The following CADM2 variants were observed in gnomAD, a reference collection of about 807,000 sequenced individuals.
CADM2 encodes the protein cell adhesion molecule 2, also known as immunoglobulin superfamily member 4D.
CADM2 carries 12 observed loss-of-function variants against 49.8 expected under a neutral mutation model. That is an observed-to-expected ratio of 0.24 (90% CI 0.15 to 0.39). CADM2 has a LOEUF of 0.39. Among genes scored for constraint, CADM2 ranks in the 10% least tolerant of loss-of-function variants. CADM2 has a pLI of 1.00. For missense variants in CADM2, 378 were observed against 492.3 expected (o/e 0.77, Z 2.20); for synonymous variants, 214 against 175.4 (o/e 1.22, Z -1.74).
At chr3:85,095,944 G>A (rs1362365207) in intron 1 of CADM2, among the ~76,000 whole-genome samples, 1 of 151,874 alleles carries the variant, frequency 6.6e-6, no homozygotes, top group African/African-American at 2.4e-5. Flanking sequence ...CAGTTGAGAT[G>A]GATGCTCGCT....
At chr3:84,997,619 GTTAT>G (rs1184682933) in intron 1 of CADM2, among the ~76,000 whole-genome samples, 68 of 151,586 alleles carry the variant, frequency 4.5e-4, no homozygotes, top group African/African-American at 1.6e-3. Flanking sequence ...TATTTTATAT[GTTAT>G]TTATTTCAGA....
chr3:85,965,424 C>T (rs1012839213), intron 8 of CADM2, among the ~76,000 whole-genome samples: 6 of 151,112 alleles, frequency 4.0e-5, no homozygotes, highest in Admixed American at 1.3e-4. Flanking sequence ...ACTATTCTTA[C>T]TCTTATATTT....
intron 5 of CADM2, among the ~76,000 whole-genome samples, chr3:85,905,408 T>C: frequency 6.6e-6 from 1 of 152,142 alleles, no homozygotes; most frequent in East Asian, 1.9e-4. Flanking sequence ...GACTGACAAC[T>C]GTCCCCGAAT....
At chr3:85,135,901 A>C (rs1051775180) in intron 1 of CADM2, among the ~76,000 whole-genome samples, 1 of 152,028 alleles carries the variant, frequency 6.6e-6, no homozygotes, top group Non-Finnish European at 1.5e-5. Context: ...TGCCATGATC[A>C]AGAATTGTTA....
intron 2 of CADM2, among the ~76,000 whole-genome samples, chr3:85,751,775 C>T (rs886423035): frequency 2.0e-5 from 3 of 152,124 alleles, no homozygotes; most frequent in Non-Finnish European, 2.9e-5. Context: ...CAGGCATATG[C>T]TTATGACTAA....
At chr3:85,326,380 A>T (rs1391276645) in intron 1 of CADM2, among the ~76,000 whole-genome samples, 1 of 152,186 alleles carries the variant, frequency 6.6e-6, no homozygotes, top group Non-Finnish European at 1.5e-5. Flanking sequence ...GGTATTCATA[A>T]AAGTGTTGAC....
chr3:85,759,135 A>G (rs1030015112), intron 2 of CADM2, among the ~76,000 whole-genome samples: 3 of 152,090 alleles, frequency 2.0e-5, no homozygotes, highest in Non-Finnish European at 4.4e-5. Flanking sequence ...AAATGTATGG[A>G]TATATGATTA....
At chr3:85,960,322 T>C (rs954074289) in intron 7 of CADM2, among the ~76,000 whole-genome samples, 3 of 151,946 alleles carry the variant, frequency 2.0e-5, no homozygotes. Flanking sequence ...GTGTTCACAA[T>C]AACATAAAAT....
At chr3:85,965,330 T>C (rs1363942765) in intron 8 of CADM2, among the ~76,000 whole-genome samples, 1 of 149,312 alleles carries the variant, frequency 6.7e-6, no homozygotes, top group African/African-American at 2.4e-5. Flanking sequence ...TATTACAAAT[T>C]AATAAATTCA....
At chr3:85,196,734 A>G (rs2041353345) in intron 1 of CADM2, among the ~76,000 whole-genome samples, 1 of 151,952 alleles carries the variant, frequency 6.6e-6, no homozygotes, top group Non-Finnish European at 1.5e-5. Context: ...AAAGTCATTT[A>G]AACATCTCTA....
At chr3:85,618,804 G>T (rs2107479771) in intron 1 of CADM2, among the ~76,000 whole-genome samples, 1 of 151,620 alleles carries the variant, frequency 6.6e-6, no homozygotes, top group South Asian at 2.1e-4. Flanking sequence ...GTGTCTATTT[G>T]TTATCTCCAT....
intron 1 of CADM2, among the ~76,000 whole-genome samples, chr3:85,034,814 T>TA (rs1553672891): frequency 2.1e-4 from 29 of 138,966 alleles, no homozygotes; most frequent in Middle Eastern, 3.9e-3. Context: ...TTTTTTTTTT[T>TA]ACCTCCTGAG....
intron 1 of CADM2, among the ~76,000 whole-genome samples, chr3:85,562,400 C>T (rs1274514250): frequency 6.8e-6 from 1 of 147,484 alleles, no homozygotes; most frequent in East Asian, 2.1e-4. Flanking sequence ...ACCACTTGAA[C>T]CCGGGAGGCA....
chr3:85,874,496 C>T (rs1711546664), intron 3 of CADM2, among the ~76,000 whole-genome samples: 1 of 151,964 alleles, frequency 6.6e-6, no homozygotes, highest in Non-Finnish European at 1.5e-5. Flanking sequence ...GAGAGTTATA[C>T]CACATGGCTA....
intron 1 of CADM2, among the ~76,000 whole-genome samples, chr3:85,412,380 T>C (rs1287759254): frequency 6.6e-6 from 1 of 152,146 alleles, no homozygotes; most frequent in African/African-American, 2.4e-5. Flanking sequence ...AAATTGACAA[T>C]ATATAGTAAC....
chr3:85,443,394 A>G (rs1164704247), intron 1 of CADM2, among the ~76,000 whole-genome samples: 1 of 152,142 alleles, frequency 6.6e-6, no homozygotes, highest in East Asian at 1.9e-4. Flanking sequence ...CAGCTATTGT[A>G]TAACCTCACT....
At chr3:85,939,468 A>ACACACACACAC (rs1553710489) in intron 7 of CADM2, among the ~76,000 whole-genome samples, 14 of 137,076 alleles carry the variant, frequency 1.0e-4, no homozygotes, top group African/African-American at 3.6e-4. Context: ...AGTAAACGAA[A>ACACACACACAC]ACACACACAC....
intron 1 of CADM2, among the ~76,000 whole-genome samples, chr3:85,347,259 A>G (rs1244690798): frequency 7.1e-6 from 1 of 141,624 alleles, no homozygotes; most frequent in Non-Finnish European, 1.5e-5. Flanking sequence ...AAGAATTGCA[A>G]ATTGCAAATT....
chr3:85,885,124 T>A (rs111656157), intron 4 of CADM2, among the ~76,000 whole-genome samples: 4,648 of 152,240 alleles, frequency 0.031, 164 homozygotes, highest in Non-Finnish European at 0.039. Context: ...TAAAGAAATA[T>A]GTTTTGTGAG....
Sources: gnomAD v4.1 joint callset for allele counts (sites outside exome capture counted in the v4.1 genomes callset) on GRCh38, gnomAD v4.1.1 for gene constraint, MANE v1.5 for transcripts, NCBI Gene and HGNC (gene_info 2026-07-23, HGNC 2026-07-21) for gene names.